RUFY1: variants seen among roughly 807,000 people sequenced by gnomAD.
The protein encoded by RUFY1 is RUN and FYVE domain containing 1, also known as RUN and FYVE domain-containing protein 1.
RUFY1 carries 54 observed loss-of-function variants against 94.6 expected under a neutral mutation model. The observed-to-expected ratio is 0.57, with a 90% CI of 0.46 to 0.72. The LOEUF (loss-of-function observed/expected upper bound fraction) is 0.72. Among genes scored for constraint, RUFY1 ranks in the 30% least tolerant of loss-of-function variants. The pLI, the probability that RUFY1 is intolerant of heterozygous loss-of-function variation, is 0.00. For missense variants in RUFY1, 883 were observed against 883.9 expected (o/e 1.00, Z 0.01); for synonymous variants, 396 against 347.3 (o/e 1.14, Z -1.56).
At chr5:179,552,604 T>C (rs1032681790) in intron 1 of RUFY1, among the ~76,000 whole-genome samples, 1 of 152,214 alleles carries the variant, frequency 6.6e-6, no homozygotes, top group Admixed American at 6.5e-5. Context: ...CAGTGGATGC[T>C]GAGTTGCATA....
At chr5:179,593,383 G>A in intron 10 of RUFY1, 95 bp from the exon 11 acceptor site, 2 of 1,439,786 alleles carry the variant, frequency 1.4e-6, no homozygotes, top group African/African-American at 2.8e-5. Flanking sequence ...CCAGCCTTCA[G>A]TTTGTATTTT....
chr5:179,602,102 C>T, intron 15 of RUFY1, 116 bp downstream of exon 15: 2 of 792,836 alleles, frequency 2.5e-6, no homozygotes, highest in Non-Finnish European at 4.2e-6. Context: ...TTTAGGAGCT[C>T]AGTCCGCCGT....
At chr5:179,586,329 AG>A (rs959832762) in intron 8 of RUFY1, 1 of 457,246 alleles carries the variant, frequency 2.2e-6, no homozygotes, top group African/African-American at 2.0e-5. Context: ...CTTTCTCACT[AG>A]GAAGAGAGAA....
At chr5:179,556,500 G>C (rs1454529109) in intron 1 of RUFY1, among the ~76,000 whole-genome samples, 2 of 150,864 alleles carry the variant, frequency 1.3e-5, no homozygotes, top group Non-Finnish European at 1.5e-5. Context: ...AATTTTTCTT[G>C]AATTGCGTTT....
chr5:179,553,722 G>A lies in RUFY1; in HGVS notation c.310+2843G>A, dbSNP rs545574020. On this transcript the variant is annotated intron_variant, in intron 1 of 17. Coordinates refer to ENST00000319449, the MANE Select transcript of RUFY1 (RefSeq NM_025158.5). ...GGAGAATTGCTTGAACATAAGAGGC[G>A]GAGTTTGCAGTGAGCCGAGACCATT... Among the ~76,000 whole-genome samples, 304 of 152,180 alleles carry A rather than the reference G, an allele frequency of 2.0e-3. 2 individuals are homozygous for A. The highest frequency in any genetic ancestry group is 4.8e-3 in the South Asian group (23 of 4,830).
chr5:179,551,023 G>A, intron 1 of RUFY1, 144 bp downstream of exon 1: 3 of 712,302 alleles, frequency 4.2e-6, no homozygotes. Context: ...GCGCCTGGCT[G>A]CGCCTGGGTC....
chr5:179,569,053 A>G (rs1763034231), intron 4 of RUFY1: 1 of 985,198 alleles, frequency 1.0e-6, no homozygotes, highest in Non-Finnish European at 1.2e-6. Flanking sequence ...ACTGGGGTCC[A>G]GGGTCTGCAT....
At chr5:179,584,036 C>T (rs2127544621) in intron 7 of RUFY1, among the ~76,000 whole-genome samples, 1 of 152,348 alleles carries the variant, frequency 6.6e-6, no homozygotes, top group South Asian at 2.1e-4. Flanking sequence ...GCGTGAGCCA[C>T]CACGTCAGGC....
chr5:179,597,711 C>T lies in RUFY1; in HGVS notation c.1632-981C>T, dbSNP rs977469667. ...GATAATATATATGCCAAGTTAAAAG[C>T]CTGATGTTGAGAGAAGAGAGAAGAG... On this transcript the variant is annotated intron_variant, in intron 13 of 17. Transcript: ENST00000319449. Among the ~76,000 whole-genome samples, 3 of 150,788 alleles carry T rather than the reference C, an allele frequency of 2.0e-5. No individual in the cohort carries two copies. In the East Asian group the frequency reaches 5.8e-4, roughly 29 times the overall value.
intron 5 of RUFY1, among the ~76,000 whole-genome samples, chr5:179,574,306 A>G (rs1763457223): frequency 6.6e-6 from 1 of 152,138 alleles, no homozygotes; most frequent in African/African-American, 2.4e-5. Flanking sequence ...GAGGCAGGAG[A>G]ATCGCTGGAA....
At chr5:179,591,954 G>GT (rs560843784) in intron 10 of RUFY1, among the ~76,000 whole-genome samples, 21 of 151,478 alleles carry the variant, frequency 1.4e-4, no homozygotes, top group Admixed American at 1.4e-3. Flanking sequence ...GTTTGTTTGG[G>GT]TTTTTTTTCA....
At chr5:179,590,511 G>A (rs1764979239) in intron 9 of RUFY1, among the ~76,000 whole-genome samples, 1 of 151,672 alleles carries the variant, frequency 6.6e-6, no homozygotes, top group African/African-American at 2.4e-5. Context: ...TCTAGACAGA[G>A]TCTCCCTCTG....
intron 2 of RUFY1, among the ~76,000 whole-genome samples, chr5:179,562,256 A>G (rs1762513170): frequency 6.6e-6 from 1 of 152,128 alleles, no homozygotes; most frequent in East Asian, 2.0e-4. Context: ...TACTAAAAAT[A>G]CAAAATTAGC....
In RUFY1 at chr5:179,560,012, T is replaced by G. The variant is rs1159694384; in HGVS notation, c.311-13T>G. 1 of 1,610,974 alleles carries G rather than the reference T, an allele frequency of 6.2e-7. No individual in the cohort carries two copies. Among genetic ancestry groups the G allele is most frequent in the African/African-American group, 1.3e-5 (1 of 74,894 alleles). On this transcript the variant is annotated splice_polypyrimidine_tract_variant and intron_variant, in intron 1 of 17. Coordinates refer to ENST00000319449, the MANE Select transcript of RUFY1 (RefSeq NM_025158.5). Reference sequence around the variant, plus strand: ...AGTCCACTAACGAAGCTATCCCTGCTCCTGCCCCACAGCTTCTAAGTGCCA... The same window carrying G: ...AGTCCACTAACGAAGCTATCCCTGCGCCTGCCCCACAGCTTCTAAGTGCCA...
intron 15 of RUFY1, 42 bp from the exon 16 acceptor site, chr5:179,605,834 C>G (rs978538827): frequency 1.4e-3 from 1,617 of 1,153,182 alleles, no homozygotes; most frequent in Non-Finnish European, 1.9e-3. Flanking sequence ...CAGAGCCTCA[C>G]TCTCTCTCAC....
intron 12 of RUFY1, among the ~76,000 whole-genome samples, chr5:179,595,170 CT>C (rs1478900503): frequency 6.6e-6 from 1 of 150,496 alleles, no homozygotes; most frequent in African/African-American, 2.4e-5. Flanking sequence ...TGGTGAAACC[CT>C]GTCTTTACTA....
chr5:179,584,637 G>A (rs1371130381), intron 7 of RUFY1, among the ~76,000 whole-genome samples: 1 of 151,926 alleles, frequency 6.6e-6, no homozygotes, highest in Non-Finnish European at 1.5e-5. Flanking sequence ...ACAAAAATTA[G>A]CTGGGCCTGG....
At chr5:179,607,908 AATG>A (rs1241580180) in intron 17 of RUFY1, among the ~76,000 whole-genome samples, 25 of 152,316 alleles carry the variant, frequency 1.6e-4, no homozygotes, top group Admixed American at 5.9e-4. Context: ...AGTGATTGAC[AATG>A]ATTTTTGGGG....
chr5:179,592,512 A>G (rs1765203193), intron 10 of RUFY1, among the ~76,000 whole-genome samples: 1 of 152,120 alleles, frequency 6.6e-6, no homozygotes, highest in African/African-American at 2.4e-5. Context: ...TCGGCATCCC[A>G]AAGTGCTGGG....
Sources: gnomAD v4.1 joint callset for allele counts (sites outside exome capture counted in the v4.1 genomes callset) on GRCh38, gnomAD v4.1.1 for gene constraint, MANE v1.5 for transcripts, NCBI Gene and HGNC (gene_info 2026-07-23, HGNC 2026-07-21) for gene names.